MCPH1: variants seen among roughly 807,000 people sequenced by gnomAD.
MCPH1 encodes the protein microcephalin.
In MCPH1, 104 loss-of-function variants were observed where a neutral mutation model predicts 84.5. The ratio of observed to expected loss-of-function variants is 1.23; its 90% CI spans 1.05 to 1.45. The LOEUF is 1.45. Ranked by LOEUF, MCPH1 falls within the 40% of genes most tolerant of loss-of-function variation. MCPH1 has a pLI of 0.00. For missense variants in MCPH1, 1,498 were observed against 1,005.7 expected (o/e 1.49, Z -6.62); for synonymous variants, 514 against 366.8 (o/e 1.40, Z -4.58).
chr8:6,422,846 G>A (rs935677505), intron 3 of MCPH1, among the ~76,000 whole-genome samples: 2 of 151,920 alleles, frequency 1.3e-5, no homozygotes, highest in Non-Finnish European at 2.9e-5. Flanking sequence ...CCGCCACCAC[G>A]CCCGGCTAAT....
intron 8 of MCPH1, among the ~76,000 whole-genome samples, chr8:6,454,214 T>C (rs1401606512): frequency 6.6e-6 from 1 of 152,244 alleles, no homozygotes; most frequent in African/African-American, 2.4e-5. Context: ...TATTGGGTTG[T>C]GAGCTCCCTA....
At position 6,440,482 on chromosome 8, in the gene MCPH1, C is replaced by G. The variant is rs957466822; in HGVS notation, c.580+1386C>G. On this transcript the variant is annotated intron_variant, in intron 6 of 13. Transcript: ENST00000344683. ...GGCTCAAGTACTTCTGCCTCACCCT[C>G]TCAAGTAGCTAGGAATACAGGTGTG... Among the ~76,000 whole-genome samples, 4 of 152,330 alleles carry G rather than the reference C, an allele frequency of 2.6e-5. No individual in the cohort carries two copies. The East Asian group carries it at 7.7e-4, about 29-fold the overall frequency.
chr8:6,522,312 G>A (rs1189435694), intron 12 of MCPH1, among the ~76,000 whole-genome samples: 1 of 151,872 alleles, frequency 6.6e-6, no homozygotes, highest in African/African-American at 2.4e-5. Context: ...CTGAGATCAT[G>A]CCACTGCACT....
intron 11 of MCPH1, among the ~76,000 whole-genome samples, chr8:6,481,844 TA>T (rs1389466964): frequency 1.1e-4 from 16 of 152,230 alleles, no homozygotes; most frequent in Non-Finnish European, 2.4e-4. Flanking sequence ...TGAAAGACAG[TA>T]GTGCCCCTCT....
chr8:6,465,213 T>C (rs140999411), intron 9 of MCPH1, among the ~76,000 whole-genome samples: 51 of 152,336 alleles, frequency 3.3e-4, no homozygotes, highest in Non-Finnish European at 5.9e-4. Context: ...GGAAACTCAA[T>C]AGCTTGCTGA....
chr8:6,581,699 T>C (rs1206167699), intron 12 of MCPH1, among the ~76,000 whole-genome samples: 1 of 152,222 alleles, frequency 6.6e-6, no homozygotes, highest in African/African-American at 2.4e-5. Flanking sequence ...GAAACTTTTC[T>C]CAACTGCTAT....
chr8:6,515,015 G>A (rs973978271), intron 12 of MCPH1, among the ~76,000 whole-genome samples: 12 of 152,326 alleles, frequency 7.9e-5, no homozygotes, highest in African/African-American at 2.6e-4. Context: ...AAGTGTTGAT[G>A]AGAATATGAC....
At chr8:6,641,120 A>C (rs1269444320) in intron 13 of MCPH1, among the ~76,000 whole-genome samples, 12 of 152,160 alleles carry the variant, frequency 7.9e-5, no homozygotes, top group Admixed American at 7.9e-4. Context: ...TAAACTTTAG[A>C]ATAAACATGT....
At chr8:6,608,354 T>G (rs1487989433) in intron 12 of MCPH1, among the ~76,000 whole-genome samples, 1 of 152,196 alleles carries the variant, frequency 6.6e-6, no homozygotes, top group African/African-American at 2.4e-5. Context: ...GCGTTGAGAA[T>G]TGTAGCACTG....
chr8:6,525,231 A>C (rs1264825871), intron 12 of MCPH1, among the ~76,000 whole-genome samples: 1 of 152,190 alleles, frequency 6.6e-6, no homozygotes, highest in African/African-American at 2.4e-5. Context: ...TAGCTCTTAA[A>C]TGTATTCCAG....
chr8:6,478,548 T>C (rs1039558113), intron 10 of MCPH1, among the ~76,000 whole-genome samples: 1 of 152,164 alleles, frequency 6.6e-6, no homozygotes, highest in Non-Finnish European at 1.5e-5. Context: ...TCTTCTTGTC[T>C]TACTCTTTTT....
intron 12 of MCPH1, among the ~76,000 whole-genome samples, chr8:6,570,427 A>G (rs545228408): frequency 3.5e-4 from 54 of 152,312 alleles, no homozygotes; most frequent in Non-Finnish European, 6.6e-4. Context: ...GCTCTTTGCC[A>G]TATGTGTTTT....
At chr8:6,546,409 A>C (rs1266418814) in intron 12 of MCPH1, among the ~76,000 whole-genome samples, 1 of 152,246 alleles carries the variant, frequency 6.6e-6, no homozygotes, top group East Asian at 1.9e-4. Flanking sequence ...CAGGAAAATT[A>C]GCATAGAGCG....
At chr8:6,459,477 A>T (rs1010426649) in intron 9 of MCPH1, among the ~76,000 whole-genome samples, 1 of 152,214 alleles carries the variant, frequency 6.6e-6, no homozygotes, top group Non-Finnish European at 1.5e-5. Flanking sequence ...TCTATTAAGC[A>T]CAAAATTGTT....
At chr8:6,532,062 G>T (rs764521841) in intron 12 of MCPH1, among the ~76,000 whole-genome samples, 4 of 152,224 alleles carry the variant, frequency 2.6e-5, no homozygotes, top group African/African-American at 4.8e-5. Flanking sequence ...TCATCTTGCA[G>T]TGGTTGGGAT....
intron 8 of MCPH1, chr8:6,447,309 C>T: frequency 3.0e-6 from 3 of 985,312 alleles, no homozygotes; most frequent in Non-Finnish European, 3.6e-6. Context: ...GGGATGCACA[C>T]TCTATATCTG....
At chr8:6,521,459 A>G in intron 12 of MCPH1, 1 of 1,294,304 alleles carries the variant, frequency 7.7e-7, no homozygotes, top group Non-Finnish European at 1.1e-6. Flanking sequence ...CTAATGAAAT[A>G]TTTTATATTT....
intron 12 of MCPH1, chr8:6,513,665 T>C (rs1815657725): frequency 6.3e-7 from 1 of 1,599,224 alleles, no homozygotes; most frequent in East Asian, 2.3e-5. Flanking sequence ...TCAATTACCA[T>C]GAACTCACTT....
intron 2 of MCPH1, among the ~76,000 whole-genome samples, chr8:6,414,123 T>C (rs933202501): frequency 6.6e-6 from 1 of 152,086 alleles, no homozygotes; most frequent in Admixed American, 6.6e-5. Context: ...CCTTCTTACT[T>C]TGTATTTATG....
Sources: gnomAD v4.1 joint callset for allele counts (sites outside exome capture counted in the v4.1 genomes callset) on GRCh38, gnomAD v4.1.1 for gene constraint, MANE v1.5 for transcripts, NCBI Gene and HGNC (gene_info 2026-07-23, HGNC 2026-07-21) for gene names.